RBFOX1: variants seen among roughly 807,000 people sequenced by gnomAD.
RBFOX1 encodes RNA binding protein fox-1 homolog 1.
Under a neutral mutation model 57.7 loss-of-function variants are expected in RBFOX1, and 8 were observed. That is an observed-to-expected ratio of 0.14 (90% CI 0.08 to 0.25). The LOEUF (loss-of-function observed/expected upper bound fraction) is 0.25. RBFOX1 is among the 10% of genes least tolerant of loss of function. The pLI is 1.00. For synonymous variants in RBFOX1, 326 were observed against 222.4 expected (o/e 1.47, Z -4.15); for missense variants, 611 against 548.5 (o/e 1.11, Z -1.14).
At chr16:7,430,921 C>T (rs965735276) in intron 4 of RBFOX1, among the ~76,000 whole-genome samples, 11 of 152,146 alleles carry the variant, frequency 7.2e-5, no homozygotes, top group African/African-American at 2.7e-4. Flanking sequence ...TAGGGATATG[C>T]CAAAGAATGT....
chr16:7,382,001 C>T lies in RBFOX1; in HGVS notation c.28-136146C>T, dbSNP rs150528488. On this transcript the variant is annotated intron_variant, in intron 4 of 15. Transcript: ENST00000550418. ...TCCCTTTGAGAATCCTGCTTTTACG[C>T]GATTGGATTCTTAAGTTGTCTGAAG... Among the ~76,000 whole-genome samples the T allele has an allele frequency of 3.3e-5, 5 of 152,256 alleles. No individual in the cohort carries two copies. In the East Asian group the frequency reaches 5.8e-4, roughly 18 times the overall value.
intron 4 of RBFOX1, among the ~76,000 whole-genome samples, chr16:5,942,893 A>T (rs973828480): frequency 6.6e-6 from 1 of 152,136 alleles, no homozygotes; most frequent in Admixed American, 6.5e-5. Context: ...TGCCATCTTT[A>T]TTGTTGATTC....
At chr16:6,220,972 A>ATGTG (rs58769581) in intron 1 of RBFOX1, among the ~76,000 whole-genome samples, 3 of 149,708 alleles carry the variant, frequency 2.0e-5, no homozygotes, top group African/African-American at 5.0e-5. Flanking sequence ...GTGTGTGTGT[A>ATGTG]TGTGTGTGTG....
At chr16:6,973,307 CAA>C (rs1280103580) in intron 3 of RBFOX1, among the ~76,000 whole-genome samples, 1 of 152,018 alleles carries the variant, frequency 6.6e-6, no homozygotes, top group Non-Finnish European at 1.5e-5. Flanking sequence ...GCCATGCAGA[CAA>C]AATAAAGCTC....
At chr16:5,888,942 T>C (rs1407120277) in intron 4 of RBFOX1, among the ~76,000 whole-genome samples, 2 of 152,110 alleles carry the variant, frequency 1.3e-5, no homozygotes, top group Non-Finnish European at 2.9e-5. Flanking sequence ...ACTGGGAAGA[T>C]CTCTTCATCC....
intron 2 of RBFOX1, among the ~76,000 whole-genome samples, chr16:6,650,037 C>T (rs2098569731): frequency 6.6e-6 from 1 of 152,116 alleles, no homozygotes. Flanking sequence ...GAAGGAAGTG[C>T]AGAGATCTCT....
chr16:5,500,452 A>G (rs566513154), intron 2 of RBFOX1, among the ~76,000 whole-genome samples: 2 of 151,978 alleles, frequency 1.3e-5, no homozygotes, highest in African/African-American at 4.8e-5. Flanking sequence ...GAACTCCTGG[A>G]CTCACGCAAT....
At chr16:7,382,735 A>G (rs2097800387) in intron 4 of RBFOX1, among the ~76,000 whole-genome samples, 1 of 152,258 alleles carries the variant, frequency 6.6e-6, no homozygotes, top group Non-Finnish European at 1.5e-5. Flanking sequence ...CGCTATTTGT[A>G]TGTACGTTCC....
chr16:5,693,448 C>T (rs1036445794), intron 3 of RBFOX1, among the ~76,000 whole-genome samples: 8 of 150,884 alleles, frequency 5.3e-5, no homozygotes, highest in African/African-American at 1.9e-4. Context: ...CAAATGAGAC[C>T]AATTTTATTT....
intron 4 of RBFOX1, among the ~76,000 whole-genome samples, chr16:5,878,365 A>G (rs369758210): frequency 2.0e-5 from 3 of 152,198 alleles, no homozygotes; most frequent in Non-Finnish European, 4.4e-5. Flanking sequence ...ACTTAGGAGA[A>G]TGAGTATTAA....
chr16:6,536,345 C>T (rs1238177546), intron 2 of RBFOX1, among the ~76,000 whole-genome samples: 1 of 152,126 alleles, frequency 6.6e-6, no homozygotes, highest in African/African-American at 2.4e-5. Context: ...ATGTTTTTAC[C>T]AGCATGCAAT....
At chr16:7,147,713 C>T (rs894749257) in intron 4 of RBFOX1, among the ~76,000 whole-genome samples, 2 of 152,110 alleles carry the variant, frequency 1.3e-5, no homozygotes, top group African/African-American at 4.8e-5. Context: ...TTTATCCTAT[C>T]TGCCATTGAT....
chr16:6,659,241 T>TTGTCCGAGG (rs59444131), intron 3 of RBFOX1, among the ~76,000 whole-genome samples: 1 of 152,022 alleles, frequency 6.6e-6, no homozygotes, highest in East Asian at 1.9e-4. Context: ...GAGAGCCCAT[T>TTGTCCGAGG]TTATAAACAC....
At chr16:7,649,688 T>C (rs1369655660) in intron 11 of RBFOX1, among the ~76,000 whole-genome samples, 1 of 152,152 alleles carries the variant, frequency 6.6e-6, no homozygotes, top group African/African-American at 2.4e-5. Context: ...TGACAGGGTG[T>C]CCAGGCACAG....
At chr16:6,381,667 G>A (rs1269735101) in intron 2 of RBFOX1, among the ~76,000 whole-genome samples, 1 of 152,204 alleles carries the variant, frequency 6.6e-6, no homozygotes, top group East Asian at 1.9e-4. Flanking sequence ...TGGCACAGAT[G>A]AGTTTGCTTC....
chr16:5,281,190 A>G (rs1194434380), intron 1 of RBFOX1, among the ~76,000 whole-genome samples: 4 of 152,156 alleles, frequency 2.6e-5, no homozygotes, highest in East Asian at 1.9e-4. Flanking sequence ...CATTGATGCA[A>G]TGATGATTCA....
chr16:7,286,317 A>G (rs2095649859), intron 4 of RBFOX1, among the ~76,000 whole-genome samples: 1 of 152,158 alleles, frequency 6.6e-6, no homozygotes, highest in Non-Finnish European at 1.5e-5. Context: ...TCATACAAAC[A>G]TCATGTGGCT....
At chr16:5,360,972 T>C (rs56306597) in intron 1 of RBFOX1, among the ~76,000 whole-genome samples, 3,729 of 152,232 alleles carry the variant, frequency 0.024, 160 homozygotes, top group African/African-American at 0.084. Flanking sequence ...TGTGTAACCC[T>C]GATTGATAAC....
intron 4 of RBFOX1, among the ~76,000 whole-genome samples, chr16:5,962,610 C>A (rs1272556476): frequency 6.6e-6 from 1 of 152,256 alleles, no homozygotes; most frequent in East Asian, 1.9e-4. Context: ...CATAGTCATT[C>A]ATTCACTGAG....
Sources: gnomAD v4.1 joint callset for allele counts (sites outside exome capture counted in the v4.1 genomes callset) on GRCh38, gnomAD v4.1.1 for gene constraint, MANE v1.5 for transcripts, NCBI Gene and HGNC (gene_info 2026-07-23, HGNC 2026-07-21) for gene names.